The following PITPNA variants were observed in gnomAD, a reference collection of about 807,000 sequenced individuals.
PITPNA encodes phosphatidylinositol transfer protein alpha, also known as phosphatidylinositol transfer protein alpha isoform.
A neutral mutation model predicts 50.3 loss-of-function variants in PITPNA; 13 were observed. The ratio of observed to expected loss-of-function variants is 0.26; its 90% CI spans 0.17 to 0.41. The LOEUF (loss-of-function observed/expected upper bound fraction) is 0.41, where lower values mean the gene tolerates loss of function less well. Ranked by LOEUF, PITPNA falls within the 10% of genes least tolerant of loss-of-function variation. PITPNA has a pLI of 1.00. For synonymous variants in PITPNA, 120 were observed against 119.6 expected (o/e 1.00, Z -0.02); for missense variants, 207 against 333.4 (o/e 0.62, Z 2.95).
intron 3 of PITPNA, 133 bp downstream of exon 3, chr17:1,552,871 G>A (rs946672476): frequency 1.1e-6 from 1 of 881,402 alleles, no homozygotes; most frequent in South Asian, 1.7e-5. Context: ...CATTTATACA[G>A]TCAGTATATA....
At chr17:1,523,986 T>C (rs1209415984) in intron 10 of PITPNA, among the ~76,000 whole-genome samples, 1 of 151,116 alleles carries the variant, frequency 6.6e-6, no homozygotes, top group Non-Finnish European at 1.5e-5. Context: ...CCATCACTAA[T>C]TGTATGACCT....
chr17:1,553,024 G>A lies in PITPNA; in HGVS notation c.177C>T (p.His59=), dbSNP rs2230463. 0.095 allele frequency: 153,848 copies of A among 1,613,686 alleles called. 8,219 individuals carry two copies. The highest frequency in any genetic ancestry group is 0.11 in the Non-Finnish European group (128,986 of 1,179,668). ...CATACCTCTGCAGGTGGTAGATCTT[G>A]TGTGTGTACTGGCCTTTCTCACCGT... The part of the protein sequence containing the change: ...EKDGEKGQYT[H]KIYHLQSKVP... The change falls in exon 3 of 12, where the codon CAC becomes CAT. Residue 59 remains histidine (H), a synonymous_variant. Transcript: ENST00000313486.
intron 1 of PITPNA, among the ~76,000 whole-genome samples, chr17:1,560,828 CAG>C (rs1382050143): frequency 6.6e-6 from 1 of 152,174 alleles, no homozygotes; most frequent in Non-Finnish European, 1.5e-5. Context: ...TGTCAAGAAA[CAG>C]AGGGGATGAG....
chr17:1,557,949 G>A (rs781375000), intron 2 of PITPNA, among the ~76,000 whole-genome samples: 6 of 152,142 alleles, frequency 3.9e-5, no homozygotes, highest in South Asian at 2.1e-4. Flanking sequence ...ATGCGTCCCC[G>A]GCCGGGTGTG....
intron 10 of PITPNA, among the ~76,000 whole-genome samples, chr17:1,527,722 A>G (rs2075556122): frequency 6.6e-6 from 1 of 152,276 alleles, no homozygotes; most frequent in Admixed American, 6.5e-5. Flanking sequence ...TGATCTAAAA[A>G]AATAGTAAAG....
intron 10 of PITPNA, among the ~76,000 whole-genome samples, chr17:1,523,394 G>A (rs2075526568): frequency 6.6e-6 from 1 of 152,128 alleles, no homozygotes; most frequent in South Asian, 2.1e-4. Context: ...CCAGGATGGA[G>A]TGCAGTGGCG....
chr17:1,538,908 T>C lies in PITPNA; in HGVS notation c.417A>G (p.Val139=), dbSNP rs34734983. The C allele has an allele frequency of 8.0e-4, 1,295 of 1,613,890 alleles. 5 individuals are homozygous for C. The African/African-American group carries it at 0.013, about 16-fold the overall frequency. ...GGCTTCGATCTGCAATGTCTATATA[T>C]ACGGCTTCCACGTGTTTCCACGCCT... ...EPEAWKHVEA[V]YIDIADRSQV... is the part of the protein sequence containing the mutation. The change falls in exon 7 of 12, where the codon GTA becomes GTG. Residue 139 remains valine (V), a synonymous_variant. Transcript: ENST00000313486.
At chr17:1,524,855 G>GAA (rs138185873) in intron 10 of PITPNA, among the ~76,000 whole-genome samples, 6 of 149,614 alleles carry the variant, frequency 4.0e-5, no homozygotes, top group African/African-American at 1.2e-4. Context: ...TCTCAAAAAA[G>GAA]AAAAAAAAAG....
In PITPNA at chr17:1,543,128, G is replaced by T. The variant is rs1469762685; in HGVS notation, c.290-101C>A. 1.0e-5 allele frequency: 9 copies of T among 892,200 alleles called. No homozygotes were observed. The East Asian group carries it at 2.1e-4, about 21-fold the overall frequency. 55.3% of individuals were successfully genotyped at this position (892,200 alleles called of 1,614,324 possible). ...CCACAAGGAGGACGAATGGCAGAGT[G>T]TACTTTACTCCCTGTGGCTTATTCC... is the stretch of plus-strand genomic sequence containing the variant. On this transcript the variant is annotated intron_variant, in intron 4 of 11. Transcript: ENST00000313486.
At chr17:1,545,832 C>A (rs537609678) in intron 4 of PITPNA, among the ~76,000 whole-genome samples, 1 of 150,730 alleles carries the variant, frequency 6.6e-6, no homozygotes, top group African/African-American at 2.4e-5. Context: ...ACACTTGCAA[C>A]ACATGCTCAC....
chr17:1,543,951 C>T (rs1323777693), intron 4 of PITPNA, among the ~76,000 whole-genome samples: 6 of 152,204 alleles, frequency 3.9e-5, no homozygotes, highest in Non-Finnish European at 5.9e-5. Context: ...TATAGTATCT[C>T]GTCAGCAGAA....
rs1287334017 is a variant in PITPNA at position 1,519,530 on chromosome 17, G to A, written c.*1031C>T. The A allele has an allele frequency of 2.0e-5, 3 of 152,650 alleles. No individual in the cohort carries two copies. The East Asian group carries it at 5.8e-4, about 29-fold the overall frequency. 9.5% of individuals were successfully genotyped at this position (152,650 alleles called of 1,614,324 possible). On this transcript the variant is annotated 3_prime_UTR_variant, in exon 12 of 12. Transcript: ENST00000313486. ...ATTCCTTTCCGGCAACTGGAGACGA[G>A]GGAACATGTTCTGCTGGAAAAAGCT...
rs1377547490 is a variant in PITPNA at position 1,517,983 on chromosome 17, A to G, written c.*2578T>C. On this transcript the variant is annotated 3_prime_UTR_variant, in exon 12 of 12. Coordinates refer to ENST00000313486, the MANE Select transcript of PITPNA (RefSeq NM_006224.4). ...AATGGACATCACCAAACTGGACTCCAGAAAGTTCTGTCTAGGATTTTATTA... is the reference window on the plus strand; with the variant it reads ...AATGGACATCACCAAACTGGACTCCGGAAAGTTCTGTCTAGGATTTTATTA... 6.6e-6 allele frequency: 1 copy of G among 152,664 alleles called. No individual in the cohort carries two copies. The highest frequency in any genetic ancestry group is 2.4e-5 in the African/African-American group (1 of 41,452). 9.5% of individuals were successfully genotyped at this position (152,664 alleles called of 1,614,324 possible). A position where few individuals can be genotyped will look rare whatever the true frequency, so the allele number is the denominator to read the frequency against.
At chr17:1,543,265 C>T (rs764014098) in intron 4 of PITPNA, among the ~76,000 whole-genome samples, 34 of 152,194 alleles carry the variant, frequency 2.2e-4, no homozygotes, top group Admixed American at 7.2e-4. Flanking sequence ...TAAAGCGACG[C>T]CGCTATGGGC....
chr17:1,556,419 G>A (rs1379512691), intron 2 of PITPNA, among the ~76,000 whole-genome samples: 1 of 152,168 alleles, frequency 6.6e-6, no homozygotes, highest in Admixed American at 6.5e-5. Context: ...AACTGTGGAT[G>A]CTCTCAAGGT....
At chr17:1,528,676 G>A (rs1416327738) in intron 10 of PITPNA, among the ~76,000 whole-genome samples, 1 of 151,828 alleles carries the variant, frequency 6.6e-6, no homozygotes, top group Admixed American at 6.6e-5. Context: ...GTTGAAGGCT[G>A]CAGTGAGCTA....
rs2075773301 is a variant in PITPNA at position 1,562,428 on chromosome 17, G to T, written c.20+113C>A. 2.6e-6 allele frequency: 2 copies of T among 771,180 alleles called. No homozygotes were observed. Among genetic ancestry groups the T allele is most frequent in the Non-Finnish European group, 3.6e-6 (2 of 561,108 alleles). 47.8% of individuals were successfully genotyped at this position (771,180 alleles called of 1,614,324 possible). On this transcript the variant is annotated intron_variant, in intron 1 of 11. Coordinates refer to ENST00000313486, the MANE Select transcript of PITPNA (RefSeq NM_006224.4). This position sits in a 1 kb window ranked among gnomAD's most constrained non-coding sequence, Gnocchi z 6.4. The stretch of plus-strand genomic sequence containing the variant: ...GCTGGGCCCGCCTCAGGCACCCTCC[G>T]TCCCTGCTGCCCCTCCGTCCATCCG...
rs549155209 is a variant in PITPNA, at chr17:1,520,075, T to A, written c.*486A>T. The A allele has an allele frequency of 6.6e-6, 1 of 152,306 alleles. No individual in the cohort carries two copies. Among genetic ancestry groups the A allele is most frequent in the East Asian group, 1.9e-4 (1 of 5,186 alleles). 9.4% of individuals were successfully genotyped at this position (152,306 alleles called of 1,614,324 possible). A position where few individuals can be genotyped will look rare whatever the true frequency, so the allele number is the denominator to read the frequency against. ...CGGTGCGGGGCAGGGAAACATTGTA[T>A]CTTTAGCTCATCCCCGCTCCCCACA... is the stretch of plus-strand genomic sequence containing the variant. On this transcript the variant is annotated 3_prime_UTR_variant, in exon 12 of 12. Transcript: ENST00000313486.
intron 6 of PITPNA, among the ~76,000 whole-genome samples, chr17:1,539,895 C>A (rs935866981): frequency 1.3e-5 from 2 of 152,234 alleles, no homozygotes. Context: ...GGCTACCACG[C>A]CCAGCTAATT....
Sources: allele counts gnomAD v4.1 joint callset (sites outside exome capture counted in the v4.1 genomes callset), GRCh38; gene constraint gnomAD v4.1.1; non-coding constraint Gnocchi (gnomAD v3.1); transcripts MANE v1.5; gene names NCBI Gene and HGNC (gene_info 2026-07-23, HGNC 2026-07-21).